BCAP29: variants seen among roughly 807,000 people sequenced by gnomAD.
BCAP29 encodes B cell receptor associated protein 29.
In BCAP29, 34 loss-of-function variants were observed where a neutral mutation model predicts 31.8. The observed-to-expected ratio is 1.07, with a 90% CI of 0.81 to 1.42. The LOEUF (loss-of-function observed/expected upper bound fraction) is 1.42. Among genes scored for constraint, BCAP29 ranks in the 40% most tolerant of loss-of-function variants. The probability of loss-of-function intolerance (pLI) is 0.00; values close to 1 mark genes in which losing one functional copy is unlikely to be tolerated. For synonymous variants in BCAP29, 104 were observed against 91.3 expected (o/e 1.14, Z -0.79); for missense variants, 314 against 269.2 (o/e 1.17, Z -1.16).
chr7:107,609,212 G>A (rs1812691858), intron 6 of BCAP29, among the ~76,000 whole-genome samples: 1 of 152,200 alleles, frequency 6.6e-6, no homozygotes, highest in East Asian at 1.9e-4. Context: ...ACTACAAGGA[G>A]CTCAAGGCAA....
intron 6 of BCAP29, among the ~76,000 whole-genome samples, chr7:107,611,219 A>T (rs547873166): frequency 2.6e-5 from 4 of 152,160 alleles, no homozygotes; most frequent in African/African-American, 9.7e-5. Context: ...AGGTTTCAAC[A>T]TATGAATTTT....
Position 107,600,378 on chromosome 7 carries a change from G to C in BCAP29, c.481-19G>C, listed in dbSNP as rs1442144909. The C allele has an allele frequency of 8.3e-5, 120 of 1,446,602 alleles. 1 individual carries two copies. The Admixed American group carries it at 2.0e-3, about 24-fold the overall frequency. 89.6% of individuals were successfully genotyped at this position (1,446,602 alleles called of 1,614,324 possible). A position where few individuals can be genotyped will look rare whatever the true frequency, so the allele number is the denominator to read the frequency against. On this transcript the variant is annotated intron_variant, in intron 5 of 7. Coordinates refer to ENST00000005259, the MANE Select transcript of BCAP29 (RefSeq NM_018844.4). ...TTGCAATCTAAGCTTATTTCTTCCT[G>C]TATCTCCTTTTGCAATAGATTTTGA...
chr7:107,622,719 G>A (rs941700644), downstream of BCAP29: 1 of 152,224 alleles, frequency 6.6e-6, no homozygotes, highest in African/African-American at 2.4e-5. Flanking sequence ...GACATTTCTG[G>A]TTGTCATAAC....
intron 6 of BCAP29, among the ~76,000 whole-genome samples, chr7:107,612,414 TATATATATATATATATATA>T (rs536326595): frequency 0.4 from 48,484 of 121,282 alleles, 11,410 homozygotes; most frequent in South Asian, 0.64. Flanking sequence ...TATATATATA[TATATATATATATATATATA>T]TATATATTTA....
At chr7:107,606,278 G>A (rs1485754233) in intron 6 of BCAP29, among the ~76,000 whole-genome samples, 1 of 152,176 alleles carries the variant, frequency 6.6e-6, no homozygotes, top group Admixed American at 6.5e-5. Flanking sequence ...TGTAAAATGA[G>A]AGACTGAACT....
At chr7:107,621,607 C>A, downstream of BCAP29, 1 of 425,722 alleles carries the variant, frequency 2.3e-6, no homozygotes. Context: ...GCCCTAAATG[C>A]AGCTACATCT....
intron 3 of BCAP29, among the ~76,000 whole-genome samples, chr7:107,593,534 A>G (rs1174657463): frequency 6.6e-6 from 1 of 152,244 alleles, no homozygotes; most frequent in African/African-American, 2.4e-5. Flanking sequence ...AAGTAATAAT[A>G]TGTAATAAAA....
At chr7:107,583,151 T>A (rs1007301917) in intron 2 of BCAP29, among the ~76,000 whole-genome samples, 2 of 152,178 alleles carry the variant, frequency 1.3e-5, no homozygotes, top group African/African-American at 4.8e-5. Flanking sequence ...TTACCTTTCC[T>A]ATTGCGTGAT....
chr7:107,604,662 ATTT>A (rs1174038872), intron 6 of BCAP29, among the ~76,000 whole-genome samples: 1 of 147,770 alleles, frequency 6.8e-6, no homozygotes, highest in African/African-American at 2.5e-5. Flanking sequence ...GTTTTTAGTC[ATTT>A]TGTTGTTGTT....
At chr7:107,608,352 TA>T in intron 6 of BCAP29, among the ~76,000 whole-genome samples, 1 of 152,342 alleles carries the variant, frequency 6.6e-6, no homozygotes, top group East Asian at 1.9e-4. Context: ...TAATTTGGGT[TA>T]TAATTTAATA....
chr7:107,595,955 A>C lies in BCAP29; in HGVS notation c.433A>C (p.Asn145His), dbSNP rs751449093. 1.9e-6 allele frequency: 3 copies of C among 1,585,356 alleles called. No homozygotes were observed. In the African/African-American group the frequency reaches 4.1e-5, roughly 22 times the overall value. The change falls in exon 5 of 8, where the codon AAC becomes CAC. Residue 145 changes from asparagine to histidine, a missense_variant. By Grantham distance (68) the Asn-to-His change is moderately conservative. Coordinates refer to ENST00000005259, the MANE Select transcript of BCAP29 (RefSeq NM_018844.4). ...ACTTAAAACTCAAGCAGAAAATACT[A>C]ACAAGGCTGCCAAAAAATTTATGGA... ...GVLKTQAENTNKAAKKFMEEN... is the reference protein window; with the variant it reads ...GVLKTQAENTHKAAKKFMEEN...
intron 3 of BCAP29, 110 bp from the exon 4 acceptor site, chr7:107,593,845 T>C: frequency 8.8e-7 from 1 of 1,136,078 alleles, no homozygotes; most frequent in East Asian, 2.5e-5. Context: ...CGCCTCTGCC[T>C]AAAGTCCATT....
At chr7:107,617,184 A>G (rs1200986109) in intron 7 of BCAP29, among the ~76,000 whole-genome samples, 2 of 152,186 alleles carry the variant, frequency 1.3e-5, no homozygotes, top group Non-Finnish European at 2.9e-5. Flanking sequence ...AATCTTAGAT[A>G]TTGAATTATA....
At chr7:107,582,991 TAATCTTA>T (rs1414037278) in intron 2 of BCAP29, among the ~76,000 whole-genome samples, 1 of 152,160 alleles carries the variant, frequency 6.6e-6, no homozygotes, top group Non-Finnish European at 1.5e-5. Context: ...GAAGTTGTCC[TAATCTTA>T]AATCTTAAAT....
At chr7:107,607,786 C>T (rs1253802144) in intron 6 of BCAP29, among the ~76,000 whole-genome samples, 1 of 151,830 alleles carries the variant, frequency 6.6e-6, no homozygotes, top group Non-Finnish European at 1.5e-5. Context: ...ATTACAGGCA[C>T]ACACCACCAT....
At chr7:107,610,917 T>A (rs138567349) in intron 6 of BCAP29, among the ~76,000 whole-genome samples, 261 of 152,302 alleles carry the variant, frequency 1.7e-3, no homozygotes, top group African/African-American at 6.0e-3. Flanking sequence ...ACCAACTGTC[T>A]TAATAGAAAG....
chr7:107,595,800 A>G (rs1425142314), intron 4 of BCAP29, 67 bp from the exon 5 acceptor site: 29 of 1,529,502 alleles, frequency 1.9e-5, no homozygotes, highest in Non-Finnish European at 2.5e-5. Flanking sequence ...GTAATTTGGC[A>G]ATGACTGTTT....
intron 7 of BCAP29, chr7:107,616,468 A>G (rs1276330542): frequency 1.3e-5 from 2 of 152,226 alleles, no homozygotes; most frequent in African/African-American, 2.4e-5. Flanking sequence ...TCTCAGCTCC[A>G]TAGTTTACCA....
intron 2 of BCAP29, among the ~76,000 whole-genome samples, chr7:107,581,113 A>G (rs1806576720): frequency 1.3e-5 from 2 of 152,226 alleles, no homozygotes; most frequent in Non-Finnish European, 2.9e-5. Context: ...TTGATTACAG[A>G]TATAATAAAG....
Sources: allele counts gnomAD v4.1 joint callset (sites outside exome capture counted in the v4.1 genomes callset), GRCh38; gene constraint gnomAD v4.1.1; transcripts MANE v1.5; gene names NCBI Gene and HGNC (gene_info 2026-07-23, HGNC 2026-07-21).